The following GRIK2 variants were observed in gnomAD, a reference collection of about 807,000 sequenced individuals.
GRIK2 encodes glutamate ionotropic receptor kainate type subunit 2.
Under a neutral mutation model 100.3 loss-of-function variants are expected in GRIK2, and 32 were observed. The ratio of observed to expected loss-of-function variants is 0.32; its 90% confidence interval spans 0.24 to 0.43. GRIK2 has a LOEUF of 0.43. Among genes scored for constraint, GRIK2 ranks in the 20% least tolerant of loss-of-function variants. GRIK2 has a pLI of 1.00. For missense variants in GRIK2, 843 were observed against 1,114.9 expected (o/e 0.76, Z 3.47); for synonymous variants, 417 against 389.4 (o/e 1.07, Z -0.83).
In GRIK2 at chr6:102,042,715, A is replaced by G. The variant is rs74906674; in HGVS notation, c.2311+7149A>G. Among the ~76,000 whole-genome samples the G allele has an allele frequency of 5.2e-3, 791 of 151,834 alleles. 16 individuals are homozygous for G. The highest frequency in any genetic ancestry group is 0.04 in the East Asian group (207 of 5,148). Reference sequence around the variant, plus strand: ...AAAAAAGCATAATAGTAAGGAAATCATTGCTGACATAACCATTCCTAACAC... The same window carrying G: ...AAAAAAGCATAATAGTAAGGAAATCGTTGCTGACATAACCATTCCTAACAC... On this transcript the variant is annotated intron_variant, in intron 15 of 16. Transcript: ENST00000369134.
intron 2 of GRIK2, among the ~76,000 whole-genome samples, chr6:101,447,140 A>G (rs1419835645): frequency 2.0e-5 from 3 of 151,190 alleles, no homozygotes; most frequent in African/African-American, 7.3e-5. Context: ...TAATAATAAT[A>G]GCTTTCTAAA....
In GRIK2 at chr6:101,451,699, G is replaced by C. The variant is rs1273767002; in HGVS notation, c.115+52307G>C. On this transcript the variant is annotated intron_variant, in intron 2 of 16. Transcript: ENST00000369134. ...AGAGCCCATTATTTATCTCTGAGGG[G>C]GGGGGGGGTGCCAAATACCTCCCAC... 8.4e-5 allele frequency among the ~76,000 whole-genome samples: 5 copies of C among 59,800 alleles called. 1 individual carries two copies. Among genetic ancestry groups the C allele is most frequent in the Non-Finnish European group, 7.8e-5 (2 of 25,732 alleles). The allele number at this position is 59,800 out of a possible 152,430, so 39.2% of individuals were successfully genotyped here.
intron 14 of GRIK2, among the ~76,000 whole-genome samples, chr6:101,966,293 C>A (rs965229470): frequency 6.6e-6 from 1 of 151,966 alleles, no homozygotes; most frequent in African/African-American, 2.4e-5. Context: ...TGCATTATAG[C>A]AGAAGTTTAA....
At chr6:101,535,843 G>A (rs759807053) in intron 2 of GRIK2, among the ~76,000 whole-genome samples, 1 of 151,454 alleles carries the variant, frequency 6.6e-6, no homozygotes, top group African/African-American at 2.4e-5. Flanking sequence ...GCACCTAAAC[G>A]AAGTATTGTG....
intron 14 of GRIK2, among the ~76,000 whole-genome samples, chr6:101,969,437 T>A (rs573613449): frequency 6.6e-6 from 1 of 152,138 alleles, no homozygotes; most frequent in East Asian, 1.9e-4. Flanking sequence ...CAGGTTCATT[T>A]TTCCCCAAAT....
intron 14 of GRIK2, among the ~76,000 whole-genome samples, chr6:101,979,849 A>G (rs2128488867): frequency 6.6e-6 from 1 of 152,108 alleles, no homozygotes; most frequent in Non-Finnish European, 1.5e-5. Context: ...CAGGTGCAGC[A>G]GCGAGCGCTT....
chr6:101,824,734 C>T (rs990939677), intron 10 of GRIK2, among the ~76,000 whole-genome samples: 2 of 152,158 alleles, frequency 1.3e-5, no homozygotes, highest in Non-Finnish European at 2.9e-5. Context: ...AACAAATGTA[C>T]TTGCTCCTGA....
chr6:101,544,178 C>T (rs1446867742), intron 2 of GRIK2, among the ~76,000 whole-genome samples: 2 of 152,064 alleles, frequency 1.3e-5, no homozygotes, highest in African/African-American at 4.8e-5. Flanking sequence ...ATCCCCTTTT[C>T]CCTTTCTTCC....
chr6:101,739,282 C>CT (rs1775874701), intron 7 of GRIK2, among the ~76,000 whole-genome samples: 1 of 152,158 alleles, frequency 6.6e-6, no homozygotes, highest in Non-Finnish European at 1.5e-5. Flanking sequence ...CATAGGCCCT[C>CT]AGTGGGTGAT....
intron 16 of GRIK2, among the ~76,000 whole-genome samples, chr6:102,065,421 AAC>A (rs1771969119): frequency 6.6e-6 from 1 of 151,338 alleles, no homozygotes; most frequent in African/African-American, 2.4e-5. Flanking sequence ...TGGGGTACTA[AAC>A]ACAGAGTTTA....
In GRIK2 at chr6:101,917,882, A is replaced by T. The variant is rs184000517; in HGVS notation, c.1749-6719A>T. On this transcript the variant is annotated intron_variant, in intron 12 of 16. Coordinates refer to ENST00000369134, the MANE Select transcript of GRIK2 (RefSeq NM_021956.5). ...TGAAAAGAAAAACAAAGTCACAGTA[A>T]ATATGAAAATAGTATGTAATGAAAA... 2.7e-4 allele frequency among the ~76,000 whole-genome samples: 41 copies of T among 151,672 alleles called. No individual in the cohort carries two copies. In the East Asian group the frequency reaches 7.6e-3, roughly 28 times the overall value.
At chr6:101,744,541 T>TATATATATACAC (rs1554257103) in intron 7 of GRIK2, 3 of 123,116 alleles carry the variant, frequency 2.4e-5, no homozygotes, top group Admixed American at 7.9e-5. Context: ...TATATATATA[T>TATATATATACAC]ATATATATAT....
At chr6:101,791,456 T>C (rs1465150595) in intron 7 of GRIK2, among the ~76,000 whole-genome samples, 3 of 152,340 alleles carry the variant, frequency 2.0e-5, no homozygotes, top group Non-Finnish European at 4.4e-5. Context: ...TGCCTTCATT[T>C]CGTTATGTAC....
In GRIK2 at chr6:101,642,854, T is replaced by C. The variant is rs190390624; in HGVS notation, c.541+16217T>C. On this transcript the variant is annotated intron_variant, in intron 4 of 16. Transcript: ENST00000369134. Reference sequence around the variant, plus strand: ...GATATAACATCATTCCTACCAACAGTGCACAAGAGTTCTAACTTATCCGTA... The same window carrying C: ...GATATAACATCATTCCTACCAACAGCGCACAAGAGTTCTAACTTATCCGTA... 2.6e-3 allele frequency among the ~76,000 whole-genome samples: 400 copies of C among 151,776 alleles called. 1 individual carries two copies. The highest frequency in any genetic ancestry group is 9.3e-3 in the African/African-American group (386 of 41,508).
At chr6:101,629,049 T>G (rs1207161516) in intron 4 of GRIK2, among the ~76,000 whole-genome samples, 1 of 152,134 alleles carries the variant, frequency 6.6e-6, no homozygotes, top group East Asian at 1.9e-4. Context: ...GTTCTATTCC[T>G]GCTTTAAATT....
chr6:101,783,631 G>C (rs1238843245), intron 7 of GRIK2, among the ~76,000 whole-genome samples: 1 of 152,184 alleles, frequency 6.6e-6, no homozygotes, highest in African/African-American at 2.4e-5. Context: ...GGAAAGTGGG[G>C]AAAAGTTTGG....
rs537979844 is a variant in GRIK2, at chr6:101,810,731, G to A, written c.1204-7639G>A. Among the ~76,000 whole-genome samples, 5 of 147,946 alleles carry A rather than the reference G, an allele frequency of 3.4e-5. No individual in the cohort carries two copies. In the South Asian group the frequency reaches 9.1e-4, roughly 27 times the overall value. The stretch of plus-strand genomic sequence containing the variant: ...ACTTCGGTGTCAAGGGTTATTAGAC[G>A]GTAATGCAACTAACTATCTCTACTT... On this transcript the variant is annotated intron_variant, in intron 9 of 16. Coordinates refer to ENST00000369134, the MANE Select transcript of GRIK2 (RefSeq NM_021956.5).
At chr6:101,776,245 A>G (rs899709624) in intron 7 of GRIK2, among the ~76,000 whole-genome samples, 15 of 152,222 alleles carry the variant, frequency 9.9e-5, no homozygotes, top group African/African-American at 3.6e-4. Flanking sequence ...GTAATTTGCT[A>G]GGATATGAAC....
At chr6:101,580,035 T>A (rs1778000487) in intron 2 of GRIK2, among the ~76,000 whole-genome samples, 1 of 152,088 alleles carries the variant, frequency 6.6e-6, no homozygotes, top group African/African-American at 2.4e-5. Flanking sequence ...AGGCTTGAAG[T>A]CCTTGGACTT....
Sources: allele counts gnomAD v4.1 joint callset (sites outside exome capture counted in the v4.1 genomes callset), GRCh38; gene constraint gnomAD v4.1.1; transcripts MANE v1.5; gene names NCBI Gene and HGNC (gene_info 2026-07-23, HGNC 2026-07-21).